The following PCDHGA3 variants were observed in gnomAD, a reference collection of about 807,000 sequenced individuals.
PCDHGA3 encodes protocadherin gamma-A3.
Under a neutral mutation model 58.5 loss-of-function variants are expected in PCDHGA3, and 40 were observed. The ratio of observed to expected loss-of-function variants is 0.68; its 90% CI spans 0.53 to 0.89. PCDHGA3 has a LOEUF of 0.89. Ranked by LOEUF, PCDHGA3 falls within the 40% of genes least tolerant of loss-of-function variation. PCDHGA3 has a pLI of 0.00. For missense variants in PCDHGA3, 1,223 were observed against 1,195.9 expected, an observed-to-expected ratio of 1.02 and a Z score of -0.33; for synonymous variants, 530 against 525.7, an observed-to-expected ratio of 1.01 and a Z score of -0.11.
chr5:141,428,148 G>A (rs774961575), intron 1 of PCDHGA3: 6 of 1,588,024 alleles, frequency 3.8e-6, no homozygotes, highest in East Asian at 4.5e-5. Flanking sequence ...GCTGCACACG[G>A]GAACCTGCTG....
In PCDHGA3 at chr5:141,476,707, G is replaced by A. The variant is rs1309848893; in HGVS notation, c.2425-18100G>A. 6.2e-7 allele frequency: 1 copy of A among 1,614,206 alleles called. No individual in the cohort carries two copies. The highest frequency in any genetic ancestry group is 1.7e-5 in the Admixed American group (1 of 60,032). On this transcript the variant is annotated intron_variant, in intron 1 of 3. Coordinates refer to ENST00000253812, the MANE Select transcript of PCDHGA3 (RefSeq NM_018916.4). This position sits in a 1 kb window ranked among gnomAD's most constrained non-coding sequence, Gnocchi z 7.6. ...ACAGCACCAAGTACGCGGAGCTGGT[G>A]TTGGAGCGCGCCCTGGACCGAGAAC...
At chr5:141,456,224 A>ACT (rs1167290500) in intron 1 of PCDHGA3, among the ~76,000 whole-genome samples, 1 of 152,034 alleles carries the variant, frequency 6.6e-6, no homozygotes, top group Non-Finnish European at 1.5e-5. Context: ...GCGATATCAA[A>ACT]CTAACTGCTG....
intron 1 of PCDHGA3, chr5:141,392,856 CT>C: frequency 1.9e-6 from 3 of 1,612,366 alleles, no homozygotes; most frequent in Non-Finnish European, 2.5e-6. Flanking sequence ...CGAGCTGATC[CT>C]GCTGTGCGCG....
rs2099661624 is a variant in PCDHGA3, at chr5:141,487,712, G to A, written c.2425-7095G>A. The stretch of plus-strand genomic sequence containing the variant: ...AGAGAGTACTGGCCTCTCAGTAAGT[G>A]CCCATAGTGATGTCACCATTTTTGT... On this transcript the variant is annotated intron_variant, in intron 1 of 3. Coordinates refer to ENST00000253812, the MANE Select transcript of PCDHGA3 (RefSeq NM_018916.4). The surrounding 1 kb of genome is among the most constrained non-coding windows in gnomAD (Gnocchi z 5.0). The A allele has an allele frequency of 5.0e-6, 8 of 1,585,892 alleles. No individual in the cohort carries two copies. The highest frequency in any genetic ancestry group is 1.1e-5 in the South Asian group (1 of 87,950).
rs368792885 is a variant in PCDHGA3, at chr5:141,394,552, G to A, written c.2424+48095G>A. 7.4e-5 allele frequency: 119 copies of A among 1,613,952 alleles called. No homozygotes were observed. Among genetic ancestry groups the A allele is most frequent in the Admixed American group, 8.3e-5 (5 of 60,012 alleles). On this transcript the variant is annotated intron_variant, in intron 1 of 3. Transcript: ENST00000253812. ...TCCACTGGCGTGGAGCTGGCGCCCCGCTCCGCAGAGCGTGGCTACCTGGTG... is the reference window on the plus strand; with the variant it reads ...TCCACTGGCGTGGAGCTGGCGCCCCACTCCGCAGAGCGTGGCTACCTGGTG...
chr5:141,355,116 T>C, intron 1 of PCDHGA3: 1 of 1,511,608 alleles, frequency 6.6e-7, no homozygotes, highest in Non-Finnish European at 8.8e-7. Context: ...GAATGCACTT[T>C]ATTTTGGACC....
Position 141,486,674 on chromosome 5 carries a change from G to A in PCDHGA3, c.2425-8133G>A. On this transcript the variant is annotated intron_variant, in intron 1 of 3. Transcript: ENST00000253812. This position sits in a 1 kb window ranked among gnomAD's most constrained non-coding sequence, Gnocchi z 5.0. ...CTCACTCCTGGAGCCCAGGAATCGA[G>A]ATGTATCAGCTTCCTCTTTCATCTC... The A allele has an allele frequency of 1.9e-6, 3 of 1,614,080 alleles. No individual in the cohort carries two copies. Among genetic ancestry groups the A allele is most frequent in the Non-Finnish European group, 2.5e-6 (3 of 1,180,036 alleles).
chr5:141,491,583 C>G lies in PCDHGA3; in HGVS notation c.2425-3224C>G. On this transcript the variant is annotated intron_variant, in intron 1 of 3. Coordinates refer to ENST00000253812, the MANE Select transcript of PCDHGA3 (RefSeq NM_018916.4). This position sits in a 1 kb window ranked among gnomAD's most constrained non-coding sequence, Gnocchi z 6.9. ...GCTACAGGACGTGCTTTTCACCGGC[C>G]TCGGACGGCAGTGACTTCACTTTTC... is the stretch of plus-strand genomic sequence containing the variant. 1 of 1,613,964 alleles carries G rather than the reference C, an allele frequency of 6.2e-7. No individual in the cohort carries two copies. The highest frequency in any genetic ancestry group is 8.5e-7 in the Non-Finnish European group (1 of 1,180,046).
rs192424877 is a variant in PCDHGA3, at chr5:141,361,678, T to C, written c.2424+15221T>C. On this transcript the variant is annotated intron_variant, in intron 1 of 3. Coordinates refer to ENST00000253812, the MANE Select transcript of PCDHGA3 (RefSeq NM_018916.4). The stretch of plus-strand genomic sequence containing the variant: ...CGTGAGCGCGCAGAGCGGGGTGGTG[T>C]TCGCGCAGCGCGCCTTCGATCATGA... The C allele has an allele frequency of 2.5e-3, 4,039 of 1,613,592 alleles. 13 individuals carry two copies. The highest frequency in any genetic ancestry group is 3.0e-3 in the Non-Finnish European group (3,545 of 1,179,894).
At chr5:141,364,937 GAGAA>G (rs746946812) in intron 1 of PCDHGA3, 1 of 1,613,948 alleles carries the variant, frequency 6.2e-7, no homozygotes. Context: ...CCTAGACCGC[GAGAA>G]AGAGACTGTT....
In PCDHGA3 at chr5:141,372,278, G is replaced by T. The variant is rs756938433; in HGVS notation, c.2424+25821G>T. The T allele has an allele frequency of 5.6e-6, 9 of 1,613,150 alleles. No individual in the cohort carries two copies. The Admixed American group carries it at 1.5e-4, about 27-fold the overall frequency. On this transcript the variant is annotated intron_variant, in intron 1 of 3. Coordinates refer to ENST00000253812, the MANE Select transcript of PCDHGA3 (RefSeq NM_018916.4). ...GCCTGCGCACGGGTGAGGTGCGCAC[G>T]GCGCGTACCTTGGGCGACAGGGAGG...
In PCDHGA3 at chr5:141,485,848, C is replaced by A; in HGVS notation, c.2425-8959C>A. The stretch of plus-strand genomic sequence containing the variant: ...GAGGGAACCCGCCGAGATCTGGCAC[C>A]GCAGAGCTCCGGGTATCCGTGCTGG... On this transcript the variant is annotated intron_variant, in intron 1 of 3. Transcript: ENST00000253812. This position sits in a 1 kb window ranked among gnomAD's most constrained non-coding sequence, Gnocchi z 5.7. 1 of 1,614,192 alleles carries A rather than the reference C, an allele frequency of 6.2e-7. No homozygotes were observed. The highest frequency in any genetic ancestry group is 8.5e-7 in the Non-Finnish European group (1 of 1,180,020).
Position 141,490,252 on chromosome 5 carries a change from G to A in PCDHGA3, c.2425-4555G>A, listed in dbSNP as rs150107963. The A allele has an allele frequency of 1.9e-6, 3 of 1,614,252 alleles. No homozygotes were observed. Among genetic ancestry groups the A allele is most frequent in the Non-Finnish European group, 1.7e-6 (2 of 1,180,046 alleles). The stretch of plus-strand genomic sequence containing the variant: ...CATGGAGGGCCACTGTGTGATTCAA[G>A]TGGATGTGGGGGATGTCAATGACAA... On this transcript the variant is annotated intron_variant, in intron 1 of 3. Coordinates refer to ENST00000253812, the MANE Select transcript of PCDHGA3 (RefSeq NM_018916.4). This position sits in a 1 kb window ranked among gnomAD's most constrained non-coding sequence, Gnocchi z 5.4.
chr5:141,374,061 G>T, intron 1 of PCDHGA3: 1 of 1,493,670 alleles, frequency 6.7e-7, no homozygotes, highest in Non-Finnish European at 8.9e-7. Flanking sequence ...CTTAATCCCA[G>T]AGAAGTTCCT....
At chr5:141,396,515 G>A (rs1162905890) in intron 1 of PCDHGA3, 3 of 152,048 alleles carry the variant, frequency 2.0e-5, no homozygotes, top group Non-Finnish European at 4.4e-5. Flanking sequence ...AGCTACTCGG[G>A]AGGCTGAGGC....
At chr5:141,388,965 G>T (rs1164641835) in intron 1 of PCDHGA3, 1 of 1,613,978 alleles carries the variant, frequency 6.2e-7, no homozygotes, top group Admixed American at 1.7e-5. Context: ...CGCCGAGCTG[G>T]GAACACATAT....
chr5:141,461,258 A>G lies in PCDHGA3; in HGVS notation c.2425-33549A>G, dbSNP rs2099011921. Among the ~76,000 whole-genome samples, 4 of 152,104 alleles carry G rather than the reference A, an allele frequency of 2.6e-5. No individual in the cohort carries two copies. In the South Asian group the frequency reaches 8.3e-4, roughly 31 times the overall value. The stretch of plus-strand genomic sequence containing the variant: ...GTACTAATTTATATTCCCAGCAGCA[A>G]TGTGTAAGTGTTCTCTTTTCCCCAC... On this transcript the variant is annotated intron_variant, in intron 1 of 3. Transcript: ENST00000253812.
rs779732249 is a variant in PCDHGA3, at chr5:141,361,274, GAGA to G, written c.2424+14820_2424+14822del. 2.5e-6 allele frequency: 4 copies of G among 1,613,962 alleles called. No individual in the cohort carries two copies. In the African/African-American group the frequency reaches 5.3e-5, roughly 22 times the overall value. On this transcript the variant is annotated intron_variant, in intron 1 of 3. Transcript: ENST00000253812. ...AGAGACAGAGACTCTGGAGAAAATG[GAGA>G]AGTTTACTGCCAAGTGTTGGGAAAT...
intron 1 of PCDHGA3, among the ~76,000 whole-genome samples, chr5:141,451,571 A>G (rs2098719323): frequency 6.6e-6 from 1 of 152,188 alleles, no homozygotes; most frequent in Non-Finnish European, 1.5e-5. Context: ...CAATCTTTTT[A>G]TAAACCTAAT....
Sources: gnomAD v4.1 joint callset for allele counts (sites outside exome capture counted in the v4.1 genomes callset) on GRCh38, gnomAD v4.1.1 for gene constraint, Gnocchi (gnomAD v3.1) non-coding constraint, MANE v1.5 for transcripts, NCBI Gene and HGNC (gene_info 2026-07-23, HGNC 2026-07-21) for gene names.